Variants in SHANK2 observed in about 807,000 individuals in gnomAD.
SHANK2 encodes the protein SH3 and multiple ankyrin repeat domains protein 2.
Under a neutral mutation model 133.7 loss-of-function variants are expected in SHANK2, and 43 were observed. That is an observed-to-expected ratio of 0.32 (90% CI 0.25 to 0.41). The LOEUF is 0.41. Among genes scored for constraint, SHANK2 ranks in the 10% least tolerant of loss-of-function variants. The probability of loss-of-function intolerance (pLI) is 1.00; values close to 1 mark genes in which losing one functional copy is unlikely to be tolerated. For synonymous variants in SHANK2, 1,017 were observed against 952.8 expected, an observed-to-expected ratio of 1.07 and a Z score of -1.24; for missense variants, 1,994 against 2,235.8, an observed-to-expected ratio of 0.89 and a Z score of 2.18.
chr11:70,932,566 C>T (rs1950517835), intron 10 of SHANK2, among the ~76,000 whole-genome samples: 1 of 152,216 alleles, frequency 6.6e-6, no homozygotes, highest in African/African-American at 2.4e-5. Context: ...GGCATCTGGG[C>T]CACACCTTCC....
At chr11:70,883,728 G>A (rs1949693822) in intron 11 of SHANK2, among the ~76,000 whole-genome samples, 1 of 152,218 alleles carries the variant, frequency 6.6e-6, no homozygotes, top group African/African-American at 2.4e-5. Flanking sequence ...ACAGAGAAGG[G>A]GTGGGCAAGA....
chr11:70,856,213 G>C lies in SHANK2; in HGVS notation c.1175-35531C>G, dbSNP rs183857867. 8.8e-4 allele frequency among the ~76,000 whole-genome samples: 134 copies of C among 152,066 alleles called. 1 individual carries two copies. The highest frequency in any genetic ancestry group is 2.9e-3 in the African/African-American group (119 of 41,478). The stretch of plus-strand genomic sequence containing the variant: ...GAATAGATGAATGAATGGGTAGATG[G>C]ATGAATGAATGGATGAATAAATGGA... On this transcript the variant is annotated intron_variant, in intron 11 of 25. Transcript: ENST00000601538.
chr11:70,712,798 G>C (rs1328295727), intron 14 of SHANK2, among the ~76,000 whole-genome samples: 1 of 152,214 alleles, frequency 6.6e-6, no homozygotes, highest in Non-Finnish European at 1.5e-5. Flanking sequence ...AGGGGGCCAC[G>C]CTCCCCTTCC....
intron 17 of SHANK2, among the ~76,000 whole-genome samples, chr11:70,560,923 G>A (rs782113206): frequency 4.0e-5 from 6 of 151,798 alleles, no homozygotes; most frequent in Admixed American, 3.3e-4. Flanking sequence ...CACGGTGCCC[G>A]GCCCACTTAC....
intron 17 of SHANK2, among the ~76,000 whole-genome samples, chr11:70,560,494 T>G (rs1034809818): frequency 1.0e-3 from 122 of 118,770 alleles, no homozygotes; most frequent in African/African-American, 3.8e-3. Context: ...TTTTTTTTTT[T>G]TTTTTTTTTT....
chr11:71,164,826 G>A (rs1161094076), intron 2 of SHANK2, among the ~76,000 whole-genome samples: 11 of 152,182 alleles, frequency 7.2e-5, no homozygotes, highest in Non-Finnish European at 1.3e-4. Flanking sequence ...TAGGAGAGAC[G>A]CCAAGTCCTT....
chr11:71,089,837 G>A (rs936549171), intron 8 of SHANK2, among the ~76,000 whole-genome samples: 6 of 152,346 alleles, frequency 3.9e-5, no homozygotes, highest in Admixed American at 2.0e-4. Context: ...ACACACAGCC[G>A]AGGGATGGCA....
Position 71,168,025 on chromosome 11 carries a change from A to C in SHANK2, c.-12-20687T>G. 1.5e-5 allele frequency among the ~76,000 whole-genome samples: 2 copies of C among 132,956 alleles called. 1 individual carries two copies. Among genetic ancestry groups the C allele is most frequent in the Non-Finnish European group, 3.3e-5 (2 of 61,394 alleles). The allele number at this position is 132,956 out of a possible 152,430, so 87.2% of individuals were successfully genotyped here. A position where few individuals can be genotyped will look rare whatever the true frequency, so the allele number is the denominator to read the frequency against. Reference sequence around the variant, plus strand: ...TGGGCGGAGGGGCTCCTCACTTCTCAGACGGGGCGGCTGCCAGGCGGAGGG... The same window carrying C: ...TGGGCGGAGGGGCTCCTCACTTCTCCGACGGGGCGGCTGCCAGGCGGAGGG... On this transcript the variant is annotated intron_variant, in intron 2 of 25. Coordinates refer to ENST00000601538, the MANE Select transcript of SHANK2 (RefSeq NM_012309.5).
chr11:71,247,599 T>G (rs1049744659), intron 1 of SHANK2, among the ~76,000 whole-genome samples: 1 of 151,702 alleles, frequency 6.6e-6, no homozygotes, highest in African/African-American at 2.4e-5. Context: ...GCACGCCTCC[T>G]GGGGGGTCTC....
intron 17 of SHANK2, among the ~76,000 whole-genome samples, chr11:70,583,728 C>T (rs561677982): frequency 6.6e-6 from 1 of 152,306 alleles, no homozygotes; most frequent in African/African-American, 2.4e-5. Flanking sequence ...AATGAACCAT[C>T]GAGGCTGTGT....
chr11:70,656,134 C>T (rs2061402880), intron 17 of SHANK2, among the ~76,000 whole-genome samples: 1 of 152,178 alleles, frequency 6.6e-6, no homozygotes, highest in Non-Finnish European at 1.5e-5. Flanking sequence ...CCTGTGATCT[C>T]TCCAGCCCCA....
intron 8 of SHANK2, among the ~76,000 whole-genome samples, chr11:71,085,726 A>AAATATAATATATTATAT (rs1951385711): frequency 4.6e-5 from 2 of 43,642 alleles, no homozygotes; most frequent in African/African-American, 2.2e-4. Context: ...TATATTATAT[A>AAATATAATATATTATAT]AAATATAATA....
chr11:70,568,649 C>CCCA (rs1554982458), intron 17 of SHANK2, among the ~76,000 whole-genome samples: 1 of 118,774 alleles, frequency 8.4e-6, no homozygotes, highest in Non-Finnish European at 1.8e-5. Context: ...GATTCCTGCC[C>CCCA]CCCCCGCCCA....
intron 17 of SHANK2, among the ~76,000 whole-genome samples, chr11:70,556,388 T>TC (rs1554979568): frequency 4.2e-5 from 2 of 47,526 alleles, no homozygotes; most frequent in Non-Finnish European, 1.2e-4. Context: ...TGTCTCTTTC[T>TC]TTCTTTCTCT....
intron 1 of SHANK2, among the ~76,000 whole-genome samples, chr11:71,231,573 T>A (rs187312553): frequency 1.3e-5 from 2 of 152,312 alleles, no homozygotes; most frequent in African/African-American, 2.4e-5. Context: ...CTCCTAGGCA[T>A]TCGTCCCACA....
chr11:70,591,950 C>T (rs1208465922), intron 17 of SHANK2, among the ~76,000 whole-genome samples: 1 of 151,646 alleles, frequency 6.6e-6, no homozygotes, highest in Admixed American at 6.6e-5. Flanking sequence ...ACCGGGAGGC[C>T]GAGGTTGCAG....
intron 17 of SHANK2, among the ~76,000 whole-genome samples, chr11:70,533,120 C>T (rs782169465): frequency 7.9e-5 from 12 of 152,070 alleles, no homozygotes; most frequent in Non-Finnish European, 1.3e-4. Flanking sequence ...CCCTTGGGGA[C>T]GGGGTTTCCT....
At chr11:70,886,337 A>G (rs1949745695) in intron 11 of SHANK2, among the ~76,000 whole-genome samples, 1 of 152,224 alleles carries the variant, frequency 6.6e-6, no homozygotes, top group Admixed American at 6.5e-5. Context: ...AACGCTAAGT[A>G]AAAATACAAT....
intron 4 of SHANK2, among the ~76,000 whole-genome samples, chr11:71,117,893 G>A (rs560735162): frequency 6.6e-6 from 1 of 152,274 alleles, no homozygotes; most frequent in Non-Finnish European, 1.5e-5. Flanking sequence ...GGGGTGGTGG[G>A]AACCCCTAGT....
Sources: gnomAD v4.1 joint callset for allele counts (sites outside exome capture counted in the v4.1 genomes callset) on GRCh38, gnomAD v4.1.1 for gene constraint, MANE v1.5 for transcripts, NCBI Gene and HGNC (gene_info 2026-07-23, HGNC 2026-07-21) for gene names.